MACROD2: variants seen among roughly 807,000 people sequenced by gnomAD.
MACROD2 encodes ADP-ribose glycohydrolase MACROD2.
MACROD2 carries 36 observed loss-of-function variants against 70.4 expected under a neutral mutation model. The observed-to-expected ratio is 0.51, with a 90% CI of 0.39 to 0.68. The LOEUF (loss-of-function observed/expected upper bound fraction) is 0.68, where lower values mean the gene tolerates loss of function less well. Among genes scored for constraint, MACROD2 ranks in the 30% least tolerant of loss-of-function variants. The pLI is 0.00. For synonymous variants in MACROD2, 172 were observed against 178.8 expected, an observed-to-expected ratio of 0.96 and a Z score of 0.30; for missense variants, 496 against 538.4, an observed-to-expected ratio of 0.92 and a Z score of 0.78.
intron 8 of MACROD2, among the ~76,000 whole-genome samples, chr20:15,570,342 G>T (rs898752223): frequency 1.3e-5 from 2 of 152,156 alleles, no homozygotes; most frequent in African/African-American, 4.8e-5. Flanking sequence ...TTGGCACTTT[G>T]AAATAGTTTT....
rs112334570 is a variant in MACROD2, at chr20:14,695,039, C to CCTCT, written c.418+10095_418+10098dup. ...AGTTTAAAGAAAAGACTGTGGTTTCCCTCTCTCTCTCTCTCTCTTTCAATT... is the reference window on the plus strand; with the variant it reads ...AGTTTAAAGAAAAGACTGTGGTTTCCCTCTCTCTCTCTCTCTCTCTCTTTCAATT... On this transcript the variant is annotated intron_variant, in intron 5 of 17. Transcript: ENST00000684519. 1.1e-4 allele frequency among the ~76,000 whole-genome samples: 16 copies of CCTCT among 150,062 alleles called. No individual in the cohort carries two copies. The South Asian group carries it at 1.9e-3, about 18-fold the overall frequency.
chr20:14,852,899 G>A (rs367638526), intron 5 of MACROD2, among the ~76,000 whole-genome samples: 5 of 152,082 alleles, frequency 3.3e-5, no homozygotes, highest in Non-Finnish European at 5.9e-5. Context: ...ACTGTGGCTC[G>A]GAGTCTACAG....
chr20:14,848,691 A>T (rs1461380039), intron 5 of MACROD2, among the ~76,000 whole-genome samples: 1 of 152,206 alleles, frequency 6.6e-6, no homozygotes, highest in Non-Finnish European at 1.5e-5. Flanking sequence ...CGATATATTC[A>T]TGCAAATAAA....
At chr20:14,498,859 C>T (rs1235724110) in intron 4 of MACROD2, among the ~76,000 whole-genome samples, 1 of 152,208 alleles carries the variant, frequency 6.6e-6, no homozygotes, top group Non-Finnish European at 1.5e-5. Flanking sequence ...CAGCATATAT[C>T]ACTCCAGCGC....
intron 3 of MACROD2, among the ~76,000 whole-genome samples, chr20:14,108,536 C>A (rs1407809598): frequency 6.7e-6 from 1 of 148,742 alleles, no homozygotes; most frequent in Non-Finnish European, 1.5e-5. Flanking sequence ...TTTCACCTAT[C>A]AAGACACACA....
intron 5 of MACROD2, chr20:14,893,417 A>G (rs1048996037): frequency 6.6e-6 from 1 of 152,166 alleles, no homozygotes; most frequent in Non-Finnish European, 1.5e-5. Flanking sequence ...ATTCCCAATA[A>G]CAATGTACAT....
chr20:15,948,461 A>G (rs2147358600), intron 12 of MACROD2, among the ~76,000 whole-genome samples: 1 of 150,248 alleles, frequency 6.7e-6, no homozygotes, highest in East Asian at 2.0e-4. Flanking sequence ...CTAATATTAT[A>G]GCCACTTTCC....
chr20:14,753,747 T>C (rs2071905007), intron 5 of MACROD2, among the ~76,000 whole-genome samples: 1 of 152,082 alleles, frequency 6.6e-6, no homozygotes, highest in African/African-American at 2.4e-5. Context: ...CAGAGATTTT[T>C]GAGTTAAAAT....
chr20:14,084,085 A>AAAAAC (rs2054041888), intron 2 of MACROD2, among the ~76,000 whole-genome samples: 1 of 148,300 alleles, frequency 6.7e-6, no homozygotes, highest in Non-Finnish European at 1.5e-5. Flanking sequence ...AAACAAACAA[A>AAAAAC]AAAAAACCTT....
At chr20:14,654,121 A>C (rs1985838390) in intron 4 of MACROD2, among the ~76,000 whole-genome samples, 1 of 152,192 alleles carries the variant, frequency 6.6e-6, no homozygotes, top group African/African-American at 2.4e-5. Flanking sequence ...TATAATAATT[A>C]TTAATTTCAG....
intron 8 of MACROD2, among the ~76,000 whole-genome samples, chr20:15,747,935 T>A (rs905875388): frequency 3.3e-5 from 5 of 152,176 alleles, no homozygotes; most frequent in African/African-American, 1.2e-4. Flanking sequence ...GTTTTCTTTT[T>A]AAATTCTGCT....
In MACROD2 at chr20:15,097,108, G is replaced by A. The variant is rs139444221; in HGVS notation, c.419-132832G>A. On this transcript the variant is annotated intron_variant, in intron 5 of 17. Transcript: ENST00000684519. ...ATTACAGGCATGAACCACTGTGCCC[G>A]GTGCTAATTTTTAAAAGTATTAATT... Among the ~76,000 whole-genome samples the A allele has an allele frequency of 5.9e-5, 9 of 152,146 alleles. 1 individual carries two copies. The highest frequency in any genetic ancestry group is 2.1e-4 in the South Asian group (1 of 4,830).
intron 4 of MACROD2, among the ~76,000 whole-genome samples, chr20:14,513,288 C>A (rs573986711): frequency 6.6e-6 from 1 of 152,152 alleles, no homozygotes; most frequent in African/African-American, 2.4e-5. Context: ...TGAGCAAATG[C>A]CTGTTTTGAC....
intron 6 of MACROD2, among the ~76,000 whole-genome samples, chr20:15,358,725 C>T (rs1369605822): frequency 6.6e-6 from 1 of 152,110 alleles, no homozygotes; most frequent in Non-Finnish European, 1.5e-5. Context: ...ATCAAGATGT[C>T]AGCAGATTTA....
At chr20:15,500,339 C>T (rs570959223) in intron 8 of MACROD2, among the ~76,000 whole-genome samples, 41 of 152,166 alleles carry the variant, frequency 2.7e-4, no homozygotes, top group South Asian at 8.3e-4. Context: ...TCGTTATGAG[C>T]GGGATTTCTT....
intron 8 of MACROD2, among the ~76,000 whole-genome samples, chr20:15,588,669 A>G (rs890700470): frequency 3.3e-5 from 5 of 152,208 alleles, no homozygotes; most frequent in Non-Finnish European, 2.9e-5. Context: ...ACAAATTTCT[A>G]GGGCAAGGGC....
At chr20:15,154,622 T>G (rs958258303) in intron 5 of MACROD2, among the ~76,000 whole-genome samples, 3 of 152,296 alleles carry the variant, frequency 2.0e-5, no homozygotes, top group Non-Finnish European at 4.4e-5. Flanking sequence ...CCTCTTCCAC[T>G]TTACAGATCC....
At chr20:14,384,107 A>G (rs967693710) in intron 3 of MACROD2, among the ~76,000 whole-genome samples, 7 of 152,086 alleles carry the variant, frequency 4.6e-5, no homozygotes, top group African/African-American at 1.7e-4. Context: ...TAAAATGCCA[A>G]AATGCCCTGG....
intron 5 of MACROD2, among the ~76,000 whole-genome samples, chr20:14,887,470 G>T (rs533843179): frequency 1.3e-5 from 2 of 150,622 alleles, no homozygotes; most frequent in South Asian, 4.2e-4. Context: ...TCGGCTCAGT[G>T]CAACCTCTGC....
Sources: gnomAD v4.1 joint callset for allele counts (sites outside exome capture counted in the v4.1 genomes callset) on GRCh38, gnomAD v4.1.1 for gene constraint, MANE v1.5 for transcripts, NCBI Gene and HGNC (gene_info 2026-07-23, HGNC 2026-07-21) for gene names.